ASPSCR1: variants seen among roughly 807,000 people sequenced by gnomAD.
The protein encoded by ASPSCR1 is ASPSCR1 tether for SLC2A4, UBX domain containing, also known as tether containing UBX domain for GLUT4.
ASPSCR1 carries 55 observed loss-of-function variants against 68.9 expected under a neutral mutation model. The observed-to-expected ratio is 0.80, with a 90% CI of 0.64 to 1.00. The LOEUF (loss-of-function observed/expected upper bound fraction) is 1.00, where lower values mean the gene tolerates loss of function less well. Ranked by LOEUF, ASPSCR1 falls within the 50% of genes least tolerant of loss-of-function variation. The pLI is 0.00. For missense variants in ASPSCR1, 765 were observed against 762.2 expected, an observed-to-expected ratio of 1.00 and a Z score of -0.04; for synonymous variants, 352 against 332.6, an observed-to-expected ratio of 1.06 and a Z score of -0.63.
At chr17:82,016,639 G>A in intron 13 of ASPSCR1, 112 bp downstream of exon 13, 1 of 1,467,690 alleles carries the variant, frequency 6.8e-7, no homozygotes, top group South Asian at 1.2e-5. Flanking sequence ...GGTCTGAGAG[G>A]GAGATCTGCG....
At chr17:81,979,983 T>G (rs916933442) in intron 2 of ASPSCR1, among the ~76,000 whole-genome samples, 98 of 152,168 alleles carry the variant, frequency 6.4e-4, no homozygotes, top group Non-Finnish European at 1.8e-4. Context: ...GTGTTTTTTT[T>G]GTTTTGTTTT....
chr17:81,984,087 A>G (rs933174376), intron 3 of ASPSCR1, among the ~76,000 whole-genome samples: 4 of 151,806 alleles, frequency 2.6e-5, no homozygotes, highest in African/African-American at 9.7e-5. Flanking sequence ...TGCTGACCTC[A>G]TGATCTACCC....
chr17:82,016,490 G>C lies in ASPSCR1; in HGVS notation c.1368G>C (p.Pro456=). ...CCTCCCTGCAGGCGAACCTCTTCCC[G>C]GCCGCTCTGGTGCACTTGGGAGCCG... The part of the protein sequence containing the change: ...TQTLFQANLF[P]AALVHLGAEE... Residue 456 remains proline, a synonymous_variant, in exon 13 of 16, where the codon CCG becomes CCC. Coordinates refer to ENST00000306739, the MANE Select transcript of ASPSCR1 (RefSeq NM_024083.4). The C allele has an allele frequency of 6.5e-7, 1 of 1,548,630 alleles. No homozygotes were observed. Among genetic ancestry groups the C allele is most frequent in the Non-Finnish European group, 8.7e-7 (1 of 1,147,092 alleles).
intron 4 of ASPSCR1, among the ~76,000 whole-genome samples, chr17:81,994,121 G>A (rs889932177): frequency 3.9e-5 from 6 of 152,252 alleles, no homozygotes; most frequent in Non-Finnish European, 7.3e-5. Context: ...GCATGTGCCC[G>A]TCTCCCGGGC....
intron 1 of ASPSCR1, chr17:81,978,932 C>T (rs1032322686): frequency 2.1e-5 from 12 of 571,928 alleles, no homozygotes; most frequent in Admixed American, 6.1e-5. Flanking sequence ...TGCTGTACTG[C>T]AGGGGAACTC....
Position 81,996,674 on chromosome 17 carries a change from G to A in ASPSCR1, c.761G>A (p.Gly254Asp), listed in dbSNP as rs781581806. ...PFSGGGQRLG[G>D]PPGPTRPLTS... ...TCGGGTGGGGGACAGAGACTGGGGG[G>A]CCCTCCTGGGCCCACGAGGCCTCTG... The change falls in exon 7 of 16, where the codon GGC becomes GAC. Residue 254 changes from glycine (G) to aspartate (D), a missense_variant. Transcript: ENST00000306739. 5.0e-6 allele frequency: 8 copies of A among 1,612,738 alleles called. No homozygotes were observed. The highest frequency in any genetic ancestry group is 1.7e-4 in the Middle Eastern group (1 of 6,032).
At position 82,010,858 on chromosome 17, in the gene ASPSCR1, C is replaced by T; in HGVS notation, c.1227C>T (p.Pro409=). 1 of 1,612,622 alleles carries T rather than the reference C, an allele frequency of 6.2e-7. No homozygotes were observed. The highest frequency in any genetic ancestry group is 1.1e-5 in the South Asian group (1 of 91,092). ...DRYVLQGFFR[P]SETVGDLRDF... is the part of the protein sequence containing the mutation. ...ACGTCCTACAGGGCTTCTTCCGCCCCAGCGAGACAGGTGGGCAGCGCTGTG... is the reference window on the plus strand; with the variant it reads ...ACGTCCTACAGGGCTTCTTCCGCCCTAGCGAGACAGGTGGGCAGCGCTGTG... The change falls in exon 10 of 16, where the codon CCC becomes CCT. Residue 409 remains proline (P), a synonymous_variant. Transcript: ENST00000306739.
rs1311242854 is a variant in ASPSCR1 at position 81,999,647 on chromosome 17, AAAC to A, written c.933+2804_933+2806del. ...ATCTCAAAAAAAAAAAAAAAAAAGA[AAAC>A]AAGAAGTGGCCAGGAGGGCTCTGTG... On this transcript the variant is annotated intron_variant, in intron 7 of 15. Transcript: ENST00000306739. This position sits in a 1 kb window ranked among gnomAD's most constrained non-coding sequence, Gnocchi z 4.4. 1.3e-5 allele frequency among the ~76,000 whole-genome samples: 2 copies of A among 151,752 alleles called. No individual in the cohort carries two copies. The highest frequency in any genetic ancestry group is 6.6e-5 in the Admixed American group (1 of 15,242).
At chr17:81,995,843 C>T (rs1484027428) in intron 5 of ASPSCR1, 149 bp from the exon 6 acceptor site, 8 of 757,266 alleles carry the variant, frequency 1.1e-5, no homozygotes, top group African/African-American at 8.6e-5. Flanking sequence ...AGGGTGTGGA[C>T]CGGCAGGGGC....
At chr17:81,991,924 C>G (rs1188318819) in intron 4 of ASPSCR1, among the ~76,000 whole-genome samples, 1 of 152,226 alleles carries the variant, frequency 6.6e-6, no homozygotes, top group Non-Finnish European at 1.5e-5. Context: ...CGCGCCTTGC[C>G]GGAGCGGGGC....
chr17:81,995,028 T>C, intron 5 of ASPSCR1, 150 bp downstream of exon 5: 1 of 880,976 alleles, frequency 1.1e-6, no homozygotes, highest in Non-Finnish European at 1.6e-6. Context: ...AAAGAGGGAG[T>C]GGCCGGCCCT....
rs184696266 is a variant in ASPSCR1 at position 81,994,586 on chromosome 17, C to A, written c.375-235C>A. On this transcript the variant is annotated intron_variant, in intron 4 of 15. Transcript: ENST00000306739. ...TCTCGGGGGGAGCCCCCAGGCCACG[C>A]ACCACAGGCCAGGGTCCTTGGGAGC... Among the ~76,000 whole-genome samples the A allele has an allele frequency of 3.2e-3, 490 of 151,958 alleles. 6 individuals are homozygous for A. The highest frequency in any genetic ancestry group is 0.011 in the African/African-American group (456 of 41,414).
intron 9 of ASPSCR1, among the ~76,000 whole-genome samples, chr17:82,010,343 C>T (rs566623489): frequency 4.6e-5 from 7 of 151,244 alleles, no homozygotes; most frequent in Admixed American, 3.3e-4. Context: ...TCCTGGCTGA[C>T]ACGGTGAAAC....
At position 82,009,028 on chromosome 17, in the gene ASPSCR1, T is replaced by C. The variant is rs2042819390; in HGVS notation, c.934-9T>C. The C allele has an allele frequency of 6.6e-7, 1 of 1,515,586 alleles. No individual in the cohort carries two copies. The highest frequency in any genetic ancestry group is 1.4e-5 in the African/African-American group (1 of 71,780). 93.9% of individuals were successfully genotyped at this position (1,515,586 alleles called of 1,614,324 possible). A position where few individuals can be genotyped will look rare whatever the true frequency, so the allele number is the denominator to read the frequency against. On this transcript the variant is annotated splice_polypyrimidine_tract_variant and intron_variant, in intron 7 of 15. Transcript: ENST00000306739. ...GACACCCGCCGTCAGCCGCGCCCTC[T>C]GCCTCCAGCCCGTGGACCGGGAGCC... is the stretch of plus-strand genomic sequence containing the variant.
rs140291244 is a variant in ASPSCR1, at chr17:81,979,262, G to T, written c.158+23G>T. The T allele has an allele frequency of 1.3e-3, 2,032 of 1,611,282 alleles. 47 individuals carry two copies. The East Asian group carries it at 0.034, about 27-fold the overall frequency. ...GAAGTGAGTTTGCTCCAGCTCAGCA[G>T]CAGGGTCTGAGTATATCTGTGCCCC... On this transcript the variant is annotated intron_variant, in intron 2 of 15. Coordinates refer to ENST00000306739, the MANE Select transcript of ASPSCR1 (RefSeq NM_024083.4).
Position 81,977,637 on chromosome 17 carries a change from T to C in ASPSCR1, c.-10T>C, listed in dbSNP as rs1264041018. The stretch of plus-strand genomic sequence containing the variant: ...GACGCCGGCCCGGCGGCGGGTCACG[T>C]GAGCGGAAAATGGCGGCCCCGGCAG... On this transcript the variant is annotated 5_prime_UTR_variant, in exon 1 of 16. Coordinates refer to ENST00000306739, the MANE Select transcript of ASPSCR1 (RefSeq NM_024083.4). This position sits in a 1 kb window ranked among gnomAD's most constrained non-coding sequence, Gnocchi z 5.0. 3 of 1,388,956 alleles carry C rather than the reference T, an allele frequency of 2.2e-6. No homozygotes were observed. In the East Asian group the frequency reaches 9.2e-5, roughly 43 times the overall value. 86.0% of individuals were successfully genotyped at this position (1,388,956 alleles called of 1,614,324 possible).
At chr17:82,014,547 C>CCG (rs1567996821) in intron 12 of ASPSCR1, 1 of 162,926 alleles carries the variant, frequency 6.1e-6, no homozygotes, top group African/African-American at 2.4e-5. Flanking sequence ...TGCCGAGGCA[C>CCG]TGTGGTGCCG....
At chr17:82,016,181 A>C (rs2043119169) in intron 12 of ASPSCR1, 1 of 437,530 alleles carries the variant, frequency 2.3e-6, no homozygotes, top group Non-Finnish European at 4.1e-6. Context: ...TGCAGAGGCC[A>C]GAGGAGGGAG....
chr17:82,010,989 T>C, intron 10 of ASPSCR1, 121 bp downstream of exon 10: 1 of 1,190,782 alleles, frequency 8.4e-7, no homozygotes, highest in Non-Finnish European at 1.2e-6. Flanking sequence ...GGGCACTGGG[T>C]GGGTGCGGGT....
Sources: allele counts gnomAD v4.1 joint callset (sites outside exome capture counted in the v4.1 genomes callset), GRCh38; gene constraint gnomAD v4.1.1; non-coding constraint Gnocchi (gnomAD v3.1); transcripts MANE v1.5; gene names NCBI Gene and HGNC (gene_info 2026-07-23, HGNC 2026-07-21).